Variants in LAMA2 observed in about 807,000 individuals in gnomAD.
The protein encoded by LAMA2 is laminin subunit alpha-2.
LAMA2 carries 269 observed loss-of-function variants against 364.8 expected under a neutral mutation model. The ratio of observed to expected loss-of-function variants is 0.74; its 90% CI spans 0.67 to 0.82. LAMA2 has a LOEUF of 0.82. LAMA2 is among the 40% of genes least tolerant of loss of function. The pLI is 0.00. For missense variants in LAMA2, 3,807 were observed against 3,873.2 expected (o/e 0.98, Z 0.45); for synonymous variants, 1,379 against 1,370.6 (o/e 1.01, Z -0.14).
intron 3 of LAMA2, among the ~76,000 whole-genome samples, chr6:129,077,399 A>T (rs1312032435): frequency 6.6e-6 from 1 of 152,128 alleles, no homozygotes; most frequent in Admixed American, 6.6e-5. Context: ...AAATAGATTT[A>T]TTTAACTTAT....
intron 49 of LAMA2, among the ~76,000 whole-genome samples, 196 bp from the exon 50 acceptor site, chr6:129,464,094 T>C (rs1422000479): frequency 6.6e-6 from 1 of 151,852 alleles, no homozygotes; most frequent in African/African-American, 2.4e-5. Flanking sequence ...GCACACCTCA[T>C]GAAAGGTGAG....
intron 12 of LAMA2, among the ~76,000 whole-genome samples, chr6:129,242,480 TGTGGC>T (rs1785459674): frequency 6.6e-6 from 1 of 152,180 alleles, no homozygotes; most frequent in East Asian, 1.9e-4. Flanking sequence ...ATTATGAGCG[TGTGGC>T]TTTTTGTTTT....
At position 129,202,232 on chromosome 6, in the gene LAMA2, G is replaced by C. The variant is rs114174124; in HGVS notation, c.1782+9379G>C. On this transcript the variant is annotated intron_variant, in intron 12 of 64. Coordinates refer to ENST00000421865, the MANE Select transcript of LAMA2 (RefSeq NM_000426.4). ...AAAGAAAAGAAAAGAAAACACAACA[G>C]GTGCAGAGGAACAAAGATAAGGAAG... 7.7e-3 allele frequency among the ~76,000 whole-genome samples: 1,151 copies of C among 149,768 alleles called. 15 individuals are homozygous for C. Among genetic ancestry groups the C allele is most frequent in the African/African-American group, 0.027 (1,089 of 40,800 alleles).
chr6:129,006,468 C>T (rs1784446258), intron 1 of LAMA2, among the ~76,000 whole-genome samples: 1 of 152,150 alleles, frequency 6.6e-6, no homozygotes, highest in African/African-American at 2.4e-5. Context: ...CTCTTCCGTT[C>T]TTTCCTCAGC....
chr6:129,226,859 C>T (rs1784328537), intron 12 of LAMA2, among the ~76,000 whole-genome samples: 1 of 152,044 alleles, frequency 6.6e-6, no homozygotes. Context: ...TCTGTGTTTC[C>T]TGAATTTGAA....
intron 39 of LAMA2, among the ~76,000 whole-genome samples, chr6:129,403,391 C>T (rs1780080663): frequency 6.6e-6 from 1 of 152,286 alleles, no homozygotes; most frequent in South Asian, 2.1e-4. Context: ...TGGCCTGAAA[C>T]AGGCCATTTA....
intron 15 of LAMA2, 81 bp from the exon 16 acceptor site, chr6:129,267,025 A>T: frequency 1.1e-6 from 1 of 883,072 alleles, no homozygotes; most frequent in Middle Eastern, 2.2e-4. Flanking sequence ...ATTTTCTGTT[A>T]TCAGAAAACA....
At chr6:128,961,254 C>T (rs1458324277) in intron 1 of LAMA2, among the ~76,000 whole-genome samples, 3 of 135,996 alleles carry the variant, frequency 2.2e-5, no homozygotes, top group African/African-American at 8.0e-5. Flanking sequence ...GGTAATTGGA[C>T]ACTTTCTTAT....
intron 1 of LAMA2, among the ~76,000 whole-genome samples, chr6:129,048,529 C>CT (rs1384493336): frequency 2.5e-4 from 12 of 47,850 alleles, no homozygotes; most frequent in African/African-American, 4.9e-4. Context: ...TCCTTCCTTC[C>CT]TTCCTTCCTT....
Position 128,965,404 on chromosome 6 carries a change from T to A in LAMA2, c.112+82047T>A, listed in dbSNP as rs187670247. On this transcript the variant is annotated intron_variant, in intron 1 of 64. Coordinates refer to ENST00000421865, the MANE Select transcript of LAMA2 (RefSeq NM_000426.4). ...TAATGTGTATTTTAGAAAACACAAA[T>A]TCTGTTATATTCCAGGAGGAAGGAA... Among the ~76,000 whole-genome samples, 237 of 152,216 alleles carry A rather than the reference T, an allele frequency of 1.6e-3. 2 individuals are homozygous for A. Among genetic ancestry groups the A allele is most frequent in the African/African-American group, 5.4e-3 (223 of 41,584 alleles).
At chr6:129,320,386 C>G in intron 27 of LAMA2, 152 bp from the exon 28 acceptor site, 1 of 672,092 alleles carries the variant, frequency 1.5e-6, no homozygotes, top group Non-Finnish European at 2.7e-6. Context: ...AACTTATGTA[C>G]AATTATTATT....
chr6:129,272,881 C>T (rs1010349553), intron 17 of LAMA2, among the ~76,000 whole-genome samples: 1 of 152,030 alleles, frequency 6.6e-6, no homozygotes, highest in Non-Finnish European at 1.5e-5. Flanking sequence ...GATGATCTGA[C>T]GTGGAACAGT....
At chr6:129,167,261 C>T (rs915965045) in intron 9 of LAMA2, among the ~76,000 whole-genome samples, 5 of 151,328 alleles carry the variant, frequency 3.3e-5, no homozygotes, top group Admixed American at 2.6e-4. Context: ...ACTGCACCCA[C>T]TAACTCGTCA....
Position 129,369,914 on chromosome 6 carries a change from C to T in LAMA2, c.4883C>T (p.Ala1628Val). Residue 1628 changes from alanine to valine, a missense_variant, in exon 34 of 65, where the codon GCC (alanine) becomes GTC (valine). This residue lies in a region of LAMA2 where 3,333 missense variants were observed against 3,345.7 expected (regional missense o/e 1.00). Transcript: ENST00000421865. ...CAGCACTTGCTGTCACCTCAGCGGG[C>T]CCCAGAGAGGCTTATTCAGCTGGCA... ...ELKHLLSPQRAPERLIQLAEG... is the reference protein window; with the variant it reads ...ELKHLLSPQRVPERLIQLAEG... 3 of 1,614,034 alleles carry T rather than the reference C, an allele frequency of 1.9e-6. No homozygotes were observed. In the Admixed American group the frequency reaches 5.0e-5, roughly 27 times the overall value.
chr6:129,312,755 C>T (rs867881755), intron 22 of LAMA2, 106 bp from the exon 23 acceptor site: 2 of 801,270 alleles, frequency 2.5e-6, no homozygotes, highest in Middle Eastern at 2.6e-4. Flanking sequence ...ATAACAGATA[C>T]ATGATTAATA....
chr6:129,239,544 T>C (rs1785250680), intron 12 of LAMA2, among the ~76,000 whole-genome samples: 1 of 152,176 alleles, frequency 6.6e-6, no homozygotes, highest in African/African-American at 2.4e-5. Context: ...CCCAGTGAGA[T>C]CAGATCTAGT....
chr6:129,092,188 A>G (rs6934624), intron 3 of LAMA2, among the ~76,000 whole-genome samples: 118,145 of 152,112 alleles, frequency 0.78, 46,271 homozygotes, highest in Admixed American at 0.83. Context: ...CAGACCTTCC[A>G]GAAAAATGTT....
intron 27 of LAMA2, among the ~76,000 whole-genome samples, chr6:129,320,167 A>G (rs1277432718): frequency 9.8e-4 from 138 of 140,938 alleles, no homozygotes; most frequent in Admixed American, 1.6e-3. Flanking sequence ...AAAAAGAAAA[A>G]AAAAAAGAAA....
At chr6:129,324,507 T>A (rs939700847) in intron 28 of LAMA2, among the ~76,000 whole-genome samples, 2 of 152,216 alleles carry the variant, frequency 1.3e-5, no homozygotes, top group African/African-American at 4.8e-5. Flanking sequence ...TACTCAACTA[T>A]TATATTATGC....
Sources: allele counts gnomAD v4.1 joint callset (sites outside exome capture counted in the v4.1 genomes callset), GRCh38; gene constraint gnomAD v4.1.1; regional missense constraint gnomAD v4.1.1; transcripts MANE v1.5; gene names NCBI Gene and HGNC (gene_info 2026-07-23, HGNC 2026-07-21).